Variants in PLIN2 observed in about 807,000 individuals in gnomAD.
The protein encoded by PLIN2 is perilipin 2.
Under a neutral mutation model 30.6 loss-of-function variants are expected in PLIN2, and 33 were observed. That is an observed-to-expected ratio of 1.08 (90% confidence interval 0.82 to 1.44). The LOEUF is 1.44. PLIN2 is among the 40% of genes most tolerant of loss of function. The pLI, the probability that PLIN2 is intolerant of heterozygous loss-of-function variation, is 0.00. For missense variants in PLIN2, 610 were observed against 531.8 expected (o/e 1.15, Z -1.45); for synonymous variants, 205 against 201.1 (o/e 1.02, Z -0.16).
intron 6 of PLIN2, among the ~76,000 whole-genome samples, chr9:19,119,041 C>G (rs11793228): frequency 0.041 from 6,284 of 152,280 alleles, 184 homozygotes; most frequent in Non-Finnish European, 0.057. Flanking sequence ...GTTAGCATTA[C>G]AAAACAGAAA....
chr9:19,114,859 G>A (rs1338130660), downstream of PLIN2, among the ~76,000 whole-genome samples: 1 of 152,150 alleles, frequency 6.6e-6, no homozygotes, highest in African/African-American at 2.4e-5. Flanking sequence ...TTTTCTACAG[G>A]GGGCTTAAAG....
chr9:19,116,193 A>C lies in PLIN2; in HGVS notation c.*55T>G. The C allele has an allele frequency of 6.7e-7, 1 of 1,487,604 alleles. No homozygotes were observed. Among genetic ancestry groups the C allele is most frequent in the Non-Finnish European group, 9.0e-7 (1 of 1,113,372 alleles). The allele number at this position is 1,487,604 out of a possible 1,614,324, so 92.2% of individuals were successfully genotyped here. A position where few individuals can be genotyped will look rare whatever the true frequency, so the allele number is the denominator to read the frequency against. On this transcript the variant is annotated 3_prime_UTR_variant, in exon 8 of 8. Transcript: ENST00000276914. ...GGTTGCCTAGCAAGTTAATTTCAAC[A>C]TAACAAAAGGTGTCATCTGTCTGGC... is the stretch of plus-strand genomic sequence containing the variant.
chr9:19,116,485 A>T lies in PLIN2; in HGVS notation c.1077T>A (p.Asn359Lys), dbSNP rs767577221. The T allele has an allele frequency of 3.1e-6, 5 of 1,614,080 alleles. No homozygotes were observed. The highest frequency in any genetic ancestry group is 4.2e-6 in the Non-Finnish European group (5 of 1,180,046). Residue 359 changes from asparagine (N) to lysine (K), a missense_variant, in exon 8 of 8, where the codon AAT becomes AAA. Transcript: ENST00000276914. ...MAGDIYSVFR[N>K]AASFKEVSDS... ...CAGACACTTCTTTAAAGGAGGCAGC[A>T]TTGCGGAACACTGAGTAGATGTCGC...
rs777397158 is a variant in PLIN2 at position 19,116,523 on chromosome 9, C to A, written c.1039G>T (p.Gly347Trp). The stretch of plus-strand genomic sequence containing the variant: ...GAGTAGATGTCGCCTGCCATCACCC[C>A]CATGTGCTTGGCTTGATCTTGGATG... ...QNIQDQAKHM[G>W]VMAGDIYSVF... Residue 347 changes from glycine to tryptophan, a missense_variant, in exon 8 of 8, where the codon GGG (glycine) becomes TGG (tryptophan). Transcript: ENST00000276914. 25 of 1,614,082 alleles carry A rather than the reference C, an allele frequency of 1.5e-5. No individual in the cohort carries two copies. In the East Asian group the frequency reaches 4.5e-4, roughly 29 times the overall value.
Position 19,119,712 on chromosome 9 carries a change from C to G in PLIN2, c.715G>C (p.Val239Leu). Residue 239 changes from valine (V) to leucine (L), a missense_variant, in exon 6 of 8, where the codon GTT becomes CTT. Physicochemically the swap from Val to Leu is conservative, Grantham distance 32 (BLOSUM62 1). Transcript: ENST00000276914. The part of the protein sequence containing the change: ...SRAYQQALSR[V>L]KEAKQKSQQT... The stretch of plus-strand genomic sequence containing the variant: ...TGGCTTTTTTGCTTAGCTTCTTTAA[C>G]CCTGCTGAGAGCCTGCTGGTAGGCA... 1 of 1,612,262 alleles carries G rather than the reference C, an allele frequency of 6.2e-7. No individual in the cohort carries two copies. The highest frequency in any genetic ancestry group is 8.5e-7 in the Non-Finnish European group (1 of 1,178,830).
chr9:19,117,950 C>T (rs1818256205), intron 7 of PLIN2, among the ~76,000 whole-genome samples: 1 of 152,156 alleles, frequency 6.6e-6, no homozygotes, highest in South Asian at 2.1e-4. Context: ...TAAACAACAA[C>T]CGGACTTGGC....
At chr9:19,114,074 C>T (rs1294158665), downstream of PLIN2, among the ~76,000 whole-genome samples, 1 of 151,896 alleles carries the variant, frequency 6.6e-6, no homozygotes, top group Non-Finnish European at 1.5e-5. Context: ...CTACCAAGCC[C>T]GGCCTAATTT....
chr9:19,117,855 GATC>G (rs1818254073), intron 7 of PLIN2, among the ~76,000 whole-genome samples: 1 of 152,090 alleles, frequency 6.6e-6, no homozygotes, highest in Admixed American at 6.5e-5. Flanking sequence ...CTGACCTCGT[GATC>G]TACCCGCCTC....
rs755296477 is a variant in PLIN2 at position 19,126,183 on chromosome 9, C to T, written c.157G>A (p.Gly53Ser). 12 of 1,614,132 alleles carry T rather than the reference C, an allele frequency of 7.4e-6. No homozygotes were observed. Among genetic ancestry groups the T allele is most frequent in the South Asian group, 3.3e-5 (3 of 91,080 alleles). The change falls in exon 3 of 8, where the codon GGT becomes AGT. Residue 53 changes from glycine to serine, a missense_variant. Gly to Ser is a moderately conservative substitution (Grantham distance 56, BLOSUM62 0). Coordinates refer to ENST00000276914, the MANE Select transcript of PLIN2 (RefSeq NM_001122.4). Reference sequence around the variant, plus strand: ...GCCACGGAGGTGATGGTCTTCACACCGTTCTCTGCCATCTCACACACAGAC... The same window carrying T: ...GCCACGGAGGTGATGGTCTTCACACTGTTCTCTGCCATCTCACACACAGAC... ...LKSVCEMAEN[G>S]VKTITSVAMT... is the part of the protein sequence containing the mutation.
Position 19,123,692 on chromosome 9 carries a change from A to C in PLIN2, c.227-45T>G, listed in dbSNP as rs373591254. On this transcript the variant is annotated intron_variant, in intron 3 of 7. Transcript: ENST00000276914. ...AATGTTAATGTAGTACTATAGGTAT[A>C]GAATGAACACACATTACCATAGGCC... 32 of 1,510,548 alleles carry C rather than the reference A, an allele frequency of 2.1e-5. 1 individual carries two copies. The African/African-American group carries it at 4.1e-4, about 19-fold the overall frequency. 93.6% of individuals were successfully genotyped at this position (1,510,548 alleles called of 1,614,324 possible). A position where few individuals can be genotyped will look rare whatever the true frequency, so the allele number is the denominator to read the frequency against.
intron 4 of PLIN2, 112 bp downstream of exon 4, chr9:19,123,453 C>T: frequency 6.4e-7 from 1 of 1,571,178 alleles, no homozygotes; most frequent in Admixed American, 1.9e-5. Context: ...CATCCAGATC[C>T]AGGTTGGGAA....
chr9:19,113,755 TTTG>T (rs1392117729), downstream of PLIN2, among the ~76,000 whole-genome samples: 3 of 149,920 alleles, frequency 2.0e-5, no homozygotes, highest in Non-Finnish European at 3.0e-5. Flanking sequence ...TGTGGGGTTT[TTTG>T]TTGTTGTTAT....
At chr9:19,109,555 G>C (rs796251493) in intron 2 of PLIN2, among the ~76,000 whole-genome samples, 1 of 117,456 alleles carries the variant, frequency 8.5e-6, no homozygotes, top group Non-Finnish European at 1.9e-5. Context: ...AAAAAAAAAA[G>C]AAAGAAAAGA....
chr9:19,124,533 C>G (rs1470058802), intron 3 of PLIN2, among the ~76,000 whole-genome samples: 1 of 152,118 alleles, frequency 6.6e-6, no homozygotes, highest in Admixed American at 6.6e-5. Context: ...TCCTTATAAT[C>G]CTAAAAGTCC....
At chr9:19,120,231 G>C (rs1392116435) in intron 5 of PLIN2, among the ~76,000 whole-genome samples, 2 of 151,768 alleles carry the variant, frequency 1.3e-5, no homozygotes, top group African/African-American at 4.8e-5. Context: ...GCTAATTTTT[G>C]TGTTTTTTAG....
At chr9:19,117,544 T>C (rs568579324) in intron 7 of PLIN2, among the ~76,000 whole-genome samples, 51 of 152,096 alleles carry the variant, frequency 3.4e-4, no homozygotes, top group African/African-American at 1.2e-3. Flanking sequence ...CAGCTTACCA[T>C]TCATCTCTTC....
chr9:19,118,631 G>A (rs1318417416), intron 6 of PLIN2, among the ~76,000 whole-genome samples, 176 bp from the exon 7 acceptor site: 2 of 152,160 alleles, frequency 1.3e-5, no homozygotes, highest in Non-Finnish European at 2.9e-5. Context: ...TAACCAAGCA[G>A]TAGTAGCTCT....
chr9:19,117,474 C>T (rs1436916155), intron 7 of PLIN2, among the ~76,000 whole-genome samples: 2 of 151,740 alleles, frequency 1.3e-5, no homozygotes, highest in African/African-American at 2.4e-5. Flanking sequence ...GCTATGCCTT[C>T]CCTCTGGAAC....
In PLIN2 at chr9:19,126,306, C is replaced by G; in HGVS notation, c.34G>C (p.Val12Leu). ...GGCAGGTTGACCACCCGAGTCACCA[C>G]ACTCTGCAATCAAAGTAGGGAGGGT... ...ASVAVDPQPS[V>L]VTRVVNLPLV... Residue 12 changes from valine to leucine, a missense_variant, in exon 3 of 8, where the codon GTG becomes CTG. Transcript: ENST00000276914. 6.2e-7 allele frequency: 1 copy of G among 1,613,758 alleles called. No individual in the cohort carries two copies. Among genetic ancestry groups the G allele is most frequent in the Non-Finnish European group, 8.5e-7 (1 of 1,179,656 alleles).
Sources: allele counts gnomAD v4.1 joint callset (sites outside exome capture counted in the v4.1 genomes callset), GRCh38; gene constraint gnomAD v4.1.1; transcripts MANE v1.5; gene names NCBI Gene and HGNC (gene_info 2026-07-23, HGNC 2026-07-21).